NELL1: variants seen among roughly 807,000 people sequenced by gnomAD.
NELL1 encodes protein kinase C-binding protein NELL1.
In NELL1, 76 loss-of-function variants were observed where a neutral mutation model predicts 107.4. The ratio of observed to expected loss-of-function variants is 0.71; its 90% CI spans 0.59 to 0.86. NELL1 has a LOEUF of 0.86. Among genes scored for constraint, NELL1 ranks in the 40% least tolerant of loss-of-function variants. The probability of loss-of-function intolerance (pLI) is 0.00; values close to 1 mark genes in which losing one functional copy is unlikely to be tolerated. For missense variants in NELL1, 1,024 were observed against 1,005.5 expected (o/e 1.02, Z -0.25); for synonymous variants, 353 against 341.2 (o/e 1.03, Z -0.38).
At chr11:21,421,297 A>G (rs1852663153) in intron 15 of NELL1, among the ~76,000 whole-genome samples, 1 of 152,180 alleles carries the variant, frequency 6.6e-6, no homozygotes, top group Non-Finnish European at 1.5e-5. Context: ...AGTCTATTCC[A>G]AGGCTTGCAG....
chr11:21,146,342 C>T (rs143229237), intron 13 of NELL1, among the ~76,000 whole-genome samples: 3 of 152,184 alleles, frequency 2.0e-5, no homozygotes, highest in Non-Finnish European at 4.4e-5. Context: ...ATGAGATAAA[C>T]AGTGCTAATT....
intron 16 of NELL1, among the ~76,000 whole-genome samples, chr11:21,552,494 A>G (rs1856615740): frequency 6.9e-6 from 1 of 145,300 alleles, no homozygotes; most frequent in Non-Finnish European, 1.5e-5. Flanking sequence ...TAGGGTAAGA[A>G]ACACAGAAAA....
At chr11:21,205,312 A>G (rs1441985875) in intron 13 of NELL1, among the ~76,000 whole-genome samples, 1 of 152,148 alleles carries the variant, frequency 6.6e-6, no homozygotes, top group East Asian at 1.9e-4. Flanking sequence ...TGCCCTGCCT[A>G]GAGAGGAGGA....
At chr11:20,770,736 T>C (rs16906777) in intron 2 of NELL1, 55,641 of 151,960 alleles carry the variant, frequency 0.37, 10,408 homozygotes, top group African/African-American at 0.42. Context: ...TGAGGAGCTC[T>C]GAATTATTAT....
chr11:21,050,599 G>A (rs12294377), intron 12 of NELL1, among the ~76,000 whole-genome samples: 1 of 152,086 alleles, frequency 6.6e-6, no homozygotes, highest in Non-Finnish European at 1.5e-5. Context: ...AGCCTACAAG[G>A]CTTGGTTCAG....
chr11:21,514,192 TAAAGA>T (rs1458566813), intron 15 of NELL1, among the ~76,000 whole-genome samples: 6 of 152,162 alleles, frequency 3.9e-5, no homozygotes, highest in Admixed American at 1.3e-4. Context: ...AATAATACAT[TAAAGA>T]AAATAGTTTT....
At chr11:21,417,609 A>T (rs754488232) in intron 15 of NELL1, among the ~76,000 whole-genome samples, 2 of 152,046 alleles carry the variant, frequency 1.3e-5, no homozygotes, top group African/African-American at 4.8e-5. Flanking sequence ...CATAAAGTTG[A>T]TATGGTCAAC....
intron 12 of NELL1, among the ~76,000 whole-genome samples, chr11:20,991,177 T>C (rs1324623919): frequency 6.6e-6 from 1 of 152,236 alleles, no homozygotes; most frequent in Admixed American, 6.5e-5. Context: ...AGGGAACACA[T>C]GCCCTGGACT....
At chr11:21,491,976 C>T (rs1854831659) in intron 15 of NELL1, among the ~76,000 whole-genome samples, 1 of 151,976 alleles carries the variant, frequency 6.6e-6, no homozygotes, top group African/African-American at 2.4e-5. Flanking sequence ...AATGGGAGTT[C>T]ACTTTCGCAA....
intron 2 of NELL1, among the ~76,000 whole-genome samples, chr11:20,773,970 C>T (rs1024893144): frequency 1.3e-5 from 2 of 151,376 alleles, no homozygotes; most frequent in Non-Finnish European, 2.9e-5. Flanking sequence ...CCTTTTTTTC[C>T]CCTCTCTCTT....
intron 2 of NELL1, among the ~76,000 whole-genome samples, chr11:20,682,237 C>A (rs74510384): frequency 0.044 from 6,606 of 151,654 alleles, 512 homozygotes; most frequent in African/African-American, 0.15. Context: ...ATGTATTGTG[C>A]GCTGCATCTT....
intron 14 of NELL1, among the ~76,000 whole-genome samples, chr11:21,268,546 T>G (rs1848678986): frequency 6.6e-6 from 1 of 152,086 alleles, no homozygotes; most frequent in African/African-American, 2.4e-5. Context: ...TCCAGCCCAC[T>G]CTAACCAACC....
intron 14 of NELL1, among the ~76,000 whole-genome samples, chr11:21,354,824 C>T (rs1590863624): frequency 6.6e-6 from 1 of 152,102 alleles, no homozygotes; most frequent in East Asian, 1.9e-4. Flanking sequence ...ATGCTTTTAC[C>T]TGGGAGAGTT....
intron 14 of NELL1, among the ~76,000 whole-genome samples, chr11:21,291,848 C>T (rs1849271020): frequency 6.6e-6 from 1 of 152,130 alleles, no homozygotes. Context: ...TCAATAGATG[C>T]AGAAAAGGCC....
At chr11:20,818,406 C>CTTTTTT (rs57318040) in intron 3 of NELL1, among the ~76,000 whole-genome samples, 33 of 108,686 alleles carry the variant, frequency 3.0e-4, no homozygotes, top group African/African-American at 1.1e-3. Flanking sequence ...GCAACCCCTG[C>CTTTTTT]TTTTTTTTTT....
intron 12 of NELL1, among the ~76,000 whole-genome samples, chr11:21,000,640 G>A (rs769124928): frequency 6.6e-6 from 1 of 152,220 alleles, no homozygotes; most frequent in African/African-American, 2.4e-5. Context: ...TCTCAATGGA[G>A]TACATTTGAC....
chr11:21,214,789 T>G (rs1233318328), intron 13 of NELL1, among the ~76,000 whole-genome samples: 2 of 2,898 alleles, frequency 6.9e-4, no homozygotes, highest in Non-Finnish European at 1.1e-3. Context: ...TTGACAGTAT[T>G]AGGGCGGGTG....
chr11:21,535,990 TAAAAGA>T (rs1296792403), intron 16 of NELL1, among the ~76,000 whole-genome samples: 1 of 152,178 alleles, frequency 6.6e-6, no homozygotes, highest in African/African-American at 2.4e-5. Flanking sequence ...GCATGGTGGC[TAAAAGA>T]AAATTTTAAT....
At chr11:20,883,801 A>G (rs1849453541) in intron 4 of NELL1, among the ~76,000 whole-genome samples, 1 of 152,198 alleles carries the variant, frequency 6.6e-6, no homozygotes, top group African/African-American at 2.4e-5. Flanking sequence ...AAGCTGATCT[A>G]TAACTTATGC....
Sources: allele counts gnomAD v4.1 joint callset (sites outside exome capture counted in the v4.1 genomes callset), GRCh38; gene constraint gnomAD v4.1.1; transcripts MANE v1.5; gene names NCBI Gene and HGNC (gene_info 2026-07-23, HGNC 2026-07-21).